Variants in PPM1L observed in about 807,000 individuals in gnomAD.
PPM1L encodes protein phosphatase 1L.
Under a neutral mutation model 31.4 loss-of-function variants are expected in PPM1L, and 13 were observed. The observed-to-expected ratio is 0.41, with a 90% CI of 0.27 to 0.66. The LOEUF is 0.66. Among genes scored for constraint, PPM1L ranks in the 30% least tolerant of loss-of-function variants. The pLI, the probability that PPM1L is intolerant of heterozygous loss-of-function variation, is 0.29. For synonymous variants in PPM1L, 184 were observed against 175.4 expected (o/e 1.05, Z -0.39); for missense variants, 326 against 453.7 (o/e 0.72, Z 2.56).
intron 2 of PPM1L, among the ~76,000 whole-genome samples, chr3:160,996,379 G>A (rs112240302): frequency 0.025 from 3,807 of 152,138 alleles, 84 homozygotes; most frequent in South Asian, 0.044. Context: ...GCAAAAATAC[G>A]GAACCCACCC....
chr3:160,933,562 CATT>C (rs1714857329), intron 1 of PPM1L, among the ~76,000 whole-genome samples: 2 of 152,134 alleles, frequency 1.3e-5, no homozygotes, highest in African/African-American at 4.8e-5. Context: ...CTTGCCTCCT[CATT>C]ATTTGGAGGA....
At chr3:160,975,601 T>TCC (rs2108028668) in intron 2 of PPM1L, among the ~76,000 whole-genome samples, 1 of 151,936 alleles carries the variant, frequency 6.6e-6, no homozygotes, top group East Asian at 1.9e-4. Context: ...CCCTTGTAAG[T>TCC]TGGATTCCTA....
chr3:161,038,029 C>G (rs1006823105), intron 2 of PPM1L, among the ~76,000 whole-genome samples: 5 of 151,370 alleles, frequency 3.3e-5, no homozygotes, highest in African/African-American at 9.7e-5. Flanking sequence ...GTCAGGAGAT[C>G]GAGACCATCC....
At chr3:160,866,757 G>T (rs1277864799) in intron 1 of PPM1L, among the ~76,000 whole-genome samples, 1 of 152,216 alleles carries the variant, frequency 6.6e-6, no homozygotes, top group Non-Finnish European at 1.5e-5. Flanking sequence ...TTTGAGCAAT[G>T]AATATGACAT....
At chr3:160,943,031 A>G (rs1293102100) in intron 1 of PPM1L, among the ~76,000 whole-genome samples, 1 of 152,188 alleles carries the variant, frequency 6.6e-6, no homozygotes, top group East Asian at 1.9e-4. Context: ...GTAAAAAACA[A>G]TCACAAAACT....
At chr3:160,783,329 G>T (rs546860719) in intron 1 of PPM1L, among the ~76,000 whole-genome samples, 1 of 152,342 alleles carries the variant, frequency 6.6e-6, no homozygotes, top group African/African-American at 2.4e-5. Context: ...GCTGGGTGCG[G>T]TGGCTCACGC....
At position 161,074,892 on chromosome 3, in the gene PPM1L, T is replaced by C. The variant is rs1576630779; in HGVS notation, c.*5735T>C. On this transcript the variant is annotated 3_prime_UTR_variant, in exon 4 of 4. Transcript: ENST00000498165. Reference sequence around the variant, plus strand: ...GCATGCAGCAAAGGCATAGACTGTATTTAGAGATGTGGTTTCATTTATTCT... The same window carrying C: ...GCATGCAGCAAAGGCATAGACTGTACTTAGAGATGTGGTTTCATTTATTCT... 1 of 152,162 alleles carries C rather than the reference T, an allele frequency of 6.6e-6. No individual in the cohort carries two copies. The highest frequency in any genetic ancestry group is 2.4e-5 in the African/African-American group (1 of 41,430). The allele number at this position is 152,162 out of a possible 1,614,324, so 9.4% of individuals were successfully genotyped here.
At chr3:160,795,029 T>G (rs1712209368) in intron 1 of PPM1L, among the ~76,000 whole-genome samples, 2 of 152,126 alleles carry the variant, frequency 1.3e-5, no homozygotes, top group Admixed American at 1.3e-4. Context: ...AGATAAAAGC[T>G]GCTGCTTTAA....
At chr3:160,971,706 G>A (rs532204179) in intron 2 of PPM1L, among the ~76,000 whole-genome samples, 1 of 152,146 alleles carries the variant, frequency 6.6e-6, no homozygotes, top group African/African-American at 2.4e-5. Context: ...TGTAACTGTG[G>A]TTATATGTTG....
intron 1 of PPM1L, among the ~76,000 whole-genome samples, chr3:160,904,420 T>A (rs1013731780): frequency 6.6e-6 from 1 of 152,204 alleles, no homozygotes; most frequent in Non-Finnish European, 1.5e-5. Context: ...CCAAAAACTT[T>A]ACAGTAACTA....
chr3:160,944,494 A>G (rs866231028), intron 1 of PPM1L, among the ~76,000 whole-genome samples: 5 of 150,122 alleles, frequency 3.3e-5, no homozygotes, highest in Non-Finnish European at 5.9e-5. Flanking sequence ...AAAGACTACA[A>G]TTTCTAAGAC....
intron 1 of PPM1L, among the ~76,000 whole-genome samples, chr3:160,847,183 C>T (rs1351888604): frequency 6.6e-6 from 1 of 152,076 alleles, no homozygotes; most frequent in Non-Finnish European, 1.5e-5. Flanking sequence ...TCTTGATTCT[C>T]ACAGCCAAAA....
chr3:161,010,684 T>G (rs1256507500), intron 2 of PPM1L, among the ~76,000 whole-genome samples: 1 of 152,230 alleles, frequency 6.6e-6, no homozygotes, highest in African/African-American at 2.4e-5. Flanking sequence ...CTCCAGCACC[T>G]GTTGTTTCCT....
chr3:160,821,210 G>C (rs2108090932), intron 1 of PPM1L, among the ~76,000 whole-genome samples: 1 of 151,794 alleles, frequency 6.6e-6, no homozygotes, highest in South Asian at 2.1e-4. Context: ...TTTGGTGCTG[G>C]GAACTGGAAC....
intron 2 of PPM1L, among the ~76,000 whole-genome samples, chr3:160,968,038 A>G (rs1304498879): frequency 6.6e-6 from 1 of 151,982 alleles, no homozygotes; most frequent in East Asian, 1.9e-4. Context: ...CATAATTTGT[A>G]CCTAATTTCT....
rs113193136 is a variant in PPM1L at position 160,783,070 on chromosome 3, TC to T, written c.399+26364del. 9.3e-3 allele frequency among the ~76,000 whole-genome samples: 1,415 copies of T among 152,292 alleles called. 20 individuals are homozygous for T. The highest frequency in any genetic ancestry group is 0.031 in the African/African-American group (1,303 of 41,550). ...GAGCAACTATAGAAATGTACATACT[TC>T]AAGACCTGGAACTGTTTATCATCAA... On this transcript the variant is annotated intron_variant, in intron 1 of 3. Transcript: ENST00000498165.
At chr3:160,854,217 G>A (rs1711608085) in intron 1 of PPM1L, among the ~76,000 whole-genome samples, 1 of 152,082 alleles carries the variant, frequency 6.6e-6, no homozygotes, top group African/African-American at 2.4e-5. Context: ...GGGGAAGGGT[G>A]GTTTTTGTTG....
intron 1 of PPM1L, among the ~76,000 whole-genome samples, chr3:160,786,183 GTGTGTA>G (rs1325280923): frequency 1.6e-4 from 11 of 67,944 alleles, no homozygotes; most frequent in African/African-American, 1.0e-3. Context: ...GTGTGTGTGT[GTGTGTA>G]TATATATATA....
At chr3:160,779,116 A>AC (rs2108065567) in intron 1 of PPM1L, among the ~76,000 whole-genome samples, 1 of 150,846 alleles carries the variant, frequency 6.6e-6, no homozygotes, top group African/African-American at 2.4e-5. Flanking sequence ...TAAAAAAAAA[A>AC]CTGTGTAAAC....
Sources: gnomAD v4.1 joint callset for allele counts (sites outside exome capture counted in the v4.1 genomes callset) on GRCh38, gnomAD v4.1.1 for gene constraint, MANE v1.5 for transcripts, NCBI Gene and HGNC (gene_info 2026-07-23, HGNC 2026-07-21) for gene names.